STAU1: variants seen among roughly 807,000 people sequenced by gnomAD.
STAU1 encodes double-stranded RNA-binding protein Staufen homolog 1.
In STAU1, 13 loss-of-function variants were observed where a neutral mutation model predicts 62.9. The ratio of observed to expected loss-of-function variants is 0.21; its 90% CI spans 0.13 to 0.33. The LOEUF (loss-of-function observed/expected upper bound fraction) is 0.33, where lower values mean the gene tolerates loss of function less well. Among genes scored for constraint, STAU1 ranks in the 10% least tolerant of loss-of-function variants. The probability of loss-of-function intolerance (pLI) is 1.00; values close to 1 mark genes in which losing one functional copy is unlikely to be tolerated. For synonymous variants in STAU1, 269 were observed against 265.1 expected, an observed-to-expected ratio of 1.01 and a Z score of -0.14; for missense variants, 571 against 712.1, an observed-to-expected ratio of 0.80 and a Z score of 2.25.
intron 8 of STAU1, 60 bp from the exon 9 acceptor site, chr20:49,120,188 G>T: frequency 6.5e-7 from 1 of 1,546,354 alleles, no homozygotes. Context: ...CAACCAGGCA[G>T]GAATTGGTGT....
At chr20:49,199,450 C>G in the STAU1 span, among the ~76,000 whole-genome samples, 1 of 147,558 alleles carries the variant, frequency 6.8e-6, no homozygotes, top group Non-Finnish European at 1.5e-5. Flanking sequence ...AGGATGGTCT[C>G]AATCTCTTGA....
intron 6 of STAU1, among the ~76,000 whole-genome samples, chr20:49,129,629 AC>A (rs2092709179): frequency 7.3e-6 from 1 of 136,368 alleles, no homozygotes; most frequent in Non-Finnish European, 1.5e-5. Context: ...CAGTTTGGCA[AC>A]TTTTTTTTTT....
the STAU1 span, among the ~76,000 whole-genome samples, chr20:49,193,676 C>CA: frequency 1.4e-5 from 1 of 70,220 alleles, no homozygotes; most frequent in Non-Finnish European, 3.0e-5. Context: ...GAATCCGTCT[C>CA]AAAAAAACGG....
chr20:49,174,038 TAAATC>T (rs937214542), intron 2 of STAU1, among the ~76,000 whole-genome samples, 152 bp downstream of exon 2: 32 of 152,212 alleles, frequency 2.1e-4, no homozygotes, highest in African/African-American at 7.2e-4. Context: ...ACTTTCTAAT[TAAATC>T]AAGAGTAAAG....
chr20:49,215,373 C>A, the STAU1 span, among the ~76,000 whole-genome samples: 2 of 152,124 alleles, frequency 1.3e-5, no homozygotes, highest in Non-Finnish European at 2.9e-5. Flanking sequence ...CTGATACCTA[C>A]CAACCTTCTG....
chr20:49,128,117 C>A (rs2092671814), intron 6 of STAU1, among the ~76,000 whole-genome samples: 1 of 151,844 alleles, frequency 6.6e-6, no homozygotes, highest in Non-Finnish European at 1.5e-5. Flanking sequence ...CCATTGCACT[C>A]CAGCCTGGGC....
chr20:49,144,670 A>G (rs1173427260), intron 5 of STAU1, among the ~76,000 whole-genome samples: 1 of 152,216 alleles, frequency 6.6e-6, no homozygotes, highest in Non-Finnish European at 1.5e-5. Flanking sequence ...TGAAAGCAAA[A>G]AGGAGACTCA....
intron 1 of STAU1, among the ~76,000 whole-genome samples, chr20:49,179,642 A>C (rs2060192197): frequency 6.6e-6 from 1 of 152,246 alleles, no homozygotes; most frequent in Non-Finnish European, 1.5e-5. Context: ...GCTTCAGCAG[A>C]CAATGGCCCT....
At chr20:49,204,125 C>CT in the STAU1 span, among the ~76,000 whole-genome samples, 66 of 147,284 alleles carry the variant, frequency 4.5e-4, no homozygotes, top group Admixed American at 9.6e-4. Flanking sequence ...TGTGTATTTA[C>CT]TTTTTTTTTT....
At chr20:49,195,157 CAG>C in the STAU1 span, among the ~76,000 whole-genome samples, 7 of 152,086 alleles carry the variant, frequency 4.6e-5, no homozygotes, top group Non-Finnish European at 7.3e-5. Flanking sequence ...ATTTGCATCT[CAG>C]AGAGGATGAT....
rs1475880116 is a variant in STAU1, at chr20:49,118,436, GC to G, written c.1114-29del. The G allele has an allele frequency of 2.6e-6, 4 of 1,535,152 alleles. No homozygotes were observed. The African/African-American group carries it at 5.5e-5, about 21-fold the overall frequency. On this transcript the variant is annotated intron_variant, in intron 9 of 13. Coordinates refer to ENST00000371856, the MANE Select transcript of STAU1 (RefSeq NM_017453.4). ...TAAAAAAGAAGAAGAAAAAAAAAAG[GC>G]CATGAGCATAAATCAGATCACTGAA...
intron 9 of STAU1, among the ~76,000 whole-genome samples, chr20:49,119,026 C>CT (rs1407620533): frequency 2.0e-5 from 3 of 152,146 alleles, no homozygotes; most frequent in Non-Finnish European, 2.9e-5. Context: ...CTGGCCATGA[C>CT]TGATGCTGTT....
chr20:49,195,572 G>C, the STAU1 span, among the ~76,000 whole-genome samples: 1 of 92,792 alleles, frequency 1.1e-5, no homozygotes, highest in African/African-American at 3.5e-5. Flanking sequence ...GATAGCAACA[G>C]ACAGTTCATG....
At chr20:49,169,080 A>G (rs1215604419) in intron 2 of STAU1, among the ~76,000 whole-genome samples, 1 of 151,544 alleles carries the variant, frequency 6.6e-6, no homozygotes, top group Non-Finnish European at 1.5e-5. Flanking sequence ...TCTCCCGAGT[A>G]CTTAGGATTA....
At chr20:49,182,174 A>G (rs912455270) in intron 1 of STAU1, among the ~76,000 whole-genome samples, 1 of 152,236 alleles carries the variant, frequency 6.6e-6, no homozygotes, top group Admixed American at 6.5e-5. Context: ...AATCCCAGAA[A>G]ATATACAGCA....
At chr20:49,201,425 G>A in the STAU1 span, among the ~76,000 whole-genome samples, 1 of 152,042 alleles carries the variant, frequency 6.6e-6, no homozygotes, top group South Asian at 2.1e-4. Flanking sequence ...TACTCCAGTT[G>A]GTAAATTTGT....
intron 3 of STAU1, chr20:49,158,899 T>A: frequency 5.3e-6 from 4 of 748,146 alleles, no homozygotes; most frequent in Non-Finnish European, 7.6e-6. Flanking sequence ...TGAGACTCCA[T>A]CTCAAAAATA....
intron 1 of STAU1, among the ~76,000 whole-genome samples, chr20:49,186,089 C>G (rs546455668): frequency 1.3e-5 from 2 of 152,074 alleles, no homozygotes; most frequent in African/African-American, 4.8e-5. Context: ...CGTGAGCCAC[C>G]GCGCCTAACC....
In STAU1 at chr20:49,124,409, G is replaced by C. The variant is rs748552254; in HGVS notation, c.788C>G (p.Pro263Arg). Residue 263 changes from proline (P) to arginine (R), a missense_variant, in exon 7 of 14, where the codon CCT becomes CGT. By Grantham distance (103) the Pro-to-Arg change is moderately radical. Coordinates refer to ENST00000371856, the MANE Select transcript of STAU1 (RefSeq NM_017453.4). ...PPLPAVERVKPRIKKKTKPIV... is the reference protein window; with the variant it reads ...PPLPAVERVKRRIKKKTKPIV... ...GGGTTTTGTTTTCTTTTTGATTCTA[G>C]GCTTTACTCGTTCAACTGCAGGCAG... 5 of 1,613,988 alleles carry C rather than the reference G, an allele frequency of 3.1e-6. No homozygotes were observed. The highest frequency in any genetic ancestry group is 4.5e-5 in the East Asian group (2 of 44,896).
Sources: gnomAD v4.1 joint callset for allele counts (sites outside exome capture counted in the v4.1 genomes callset) on GRCh38, gnomAD v4.1.1 for gene constraint, MANE v1.5 for transcripts, NCBI Gene and HGNC (gene_info 2026-07-23, HGNC 2026-07-21) for gene names.